Variants in OGT observed in about 807,000 individuals in gnomAD.
The protein encoded by OGT is UDP-N-acetylglucosamine--peptide N-acetylglucosaminyltransferase 110 kDa subunit.
In OGT, 3 loss-of-function variants were observed where a neutral mutation model predicts 75.8. The observed-to-expected ratio is 0.04, with a 90% CI of 0.02 to 0.10. The LOEUF (loss-of-function observed/expected upper bound fraction) is 0.10, where lower values mean the gene tolerates loss of function less well. OGT is among the 10% of genes least tolerant of loss of function. The pLI is 1.00. For missense variants in OGT, 260 were observed against 824.4 expected, an observed-to-expected ratio of 0.32 and a Z score of 8.38; for synonymous variants, 257 against 289.7, an observed-to-expected ratio of 0.89 and a Z score of 1.15.
intron 4 of OGT, chrX:71,545,815 T>C (rs2040255882): frequency 8.9e-6 from 1 of 112,489 alleles, no homozygotes; most frequent in Non-Finnish European, 1.9e-5. Flanking sequence ...AGAACAAATA[T>C]TTGATAAGCT....
Position 71,564,582 on chromosome X carries a change from CA to C in OGT, c.2437-18del. On this transcript the variant is annotated intron_variant, in intron 18 of 21. Coordinates refer to ENST00000373719, the MANE Select transcript of OGT (RefSeq NM_181672.3). ...TCCTTTTGCCTTTAAATATAACCAT[CA>C]TTTTTTTCTTGTTCTAGATCAACAA... 1 of 1,188,885 alleles carries C rather than the reference CA, an allele frequency of 8.4e-7. No homozygotes were observed. Among genetic ancestry groups the C allele is most frequent in the Non-Finnish European group, 1.1e-6 (1 of 880,182 alleles).
chrX:71,562,216 C>G (rs1350681283), intron 15 of OGT, among the ~76,000 whole-genome samples: 1 of 112,713 alleles, frequency 8.9e-6, no homozygotes, highest in African/African-American at 3.2e-5. Flanking sequence ...GTAATCCCAG[C>G]ACTTTGGGAT....
In OGT at chrX:71,573,733, A is replaced by T; in HGVS notation, c.3080A>T (p.Tyr1027Phe). The T allele has an allele frequency of 2.5e-6, 3 of 1,210,344 alleles. No homozygotes were observed. Among genetic ancestry groups the T allele is most frequent in the Non-Finnish European group, 3.4e-6 (3 of 894,509 alleles). Residue 1027 changes from tyrosine to phenylalanine, a missense_variant, in exon 22 of 22, where the codon TAT (tyrosine) becomes TTT (phenylalanine). Tyr to Phe is a conservative substitution (Grantham distance 22, BLOSUM62 3). Around this residue, in one of 6 missense-constraint regions of OGT, gnomAD observed 34 missense variants for 57.5 expected, o/e 0.59. Coordinates refer to ENST00000373719, the MANE Select transcript of OGT (RefSeq NM_181672.3). ...ERLYLQMWEH[Y>F]AAGNKPDHMI... ...CTCTATCTACAGATGTGGGAGCATT[A>T]TGCAGCTGGCAACAAACCTGACCAC...
At chrX:71,573,494 A>G in intron 21 of OGT, 126 bp from the exon 22 acceptor site, 1 of 510,042 alleles carries the variant, frequency 2.0e-6, no homozygotes, top group East Asian at 3.7e-5. Context: ...GAAGCCAATC[A>G]AGAAATGAGA....
intron 9 of OGT, 74 bp downstream of exon 9, chrX:71,556,854 A>G (rs1383271066): frequency 3.8e-6 from 4 of 1,047,525 alleles, no homozygotes; most frequent in Non-Finnish European, 5.2e-6. Context: ...CACATTGCAG[A>G]TGCTAAAATG....
intron 1 of OGT, among the ~76,000 whole-genome samples, chrX:71,533,668 GC>G (rs1236966788): frequency 1.8e-5 from 2 of 111,072 alleles, no homozygotes; most frequent in Non-Finnish European, 3.8e-5. Context: ...TGGAATCCCT[GC>G]CCTTTCACTC....
chrX:71,550,026 T>C (rs781126595), intron 5 of OGT, among the ~76,000 whole-genome samples: 3 of 112,184 alleles, frequency 2.7e-5, no homozygotes, highest in South Asian at 3.7e-4. Flanking sequence ...CTAAAACTTA[T>C]CAAGTATGTT....
intron 21 of OGT, among the ~76,000 whole-genome samples, chrX:71,572,672 C>T (rs1958180783): frequency 9.0e-6 from 1 of 111,203 alleles, no homozygotes; most frequent in African/African-American, 3.3e-5. Context: ...GAGGCTGGGG[C>T]AGGAGGATTG....
intron 5 of OGT, among the ~76,000 whole-genome samples, chrX:71,550,669 C>T (rs1404001206): frequency 8.9e-6 from 1 of 112,211 alleles, no homozygotes; most frequent in Admixed American, 9.5e-5. Flanking sequence ...AATGCTTTCT[C>T]CTAATCCGGG....
At chrX:71,565,515 C>T (rs941829463) in intron 19 of OGT, among the ~76,000 whole-genome samples, 33 of 111,785 alleles carry the variant, frequency 3.0e-4, no homozygotes, top group African/African-American at 9.7e-4. Context: ...ATGTGTGAGC[C>T]ACCGCACCTG....
chrX:71,566,930 C>A (rs1318725689), intron 19 of OGT, among the ~76,000 whole-genome samples: 2 of 112,562 alleles, frequency 1.8e-5, no homozygotes, highest in African/African-American at 6.4e-5. Flanking sequence ...CAGGAGTTGG[C>A]AAACTATGAC....
At chrX:71,562,266 C>A (rs2040389753) in intron 15 of OGT, among the ~76,000 whole-genome samples, 1 of 112,481 alleles carries the variant, frequency 8.9e-6, no homozygotes, top group Non-Finnish European at 1.9e-5. Flanking sequence ...GAGTTTGAGT[C>A]CTGCCTGGGC....
intron 2 of OGT, chrX:71,536,962 G>GTTTT (rs1195640430): frequency 2.8e-3 from 346 of 122,322 alleles, no homozygotes; most frequent in Middle Eastern, 3.8e-3. Flanking sequence ...AATGTGGTGG[G>GTTTT]TTTTTTTTTT....
At chrX:71,570,391 T>A (rs898054724) in intron 21 of OGT, among the ~76,000 whole-genome samples, 1 of 111,710 alleles carries the variant, frequency 9.0e-6, no homozygotes, top group African/African-American at 3.3e-5. Flanking sequence ...TGTTTTTTCT[T>A]TGTGTTTTTC....
rs1288584272 is a variant in OGT at position 71,564,478 on chromosome X, A to G, written c.2437-123A>G. 9.1e-6 allele frequency: 5 copies of G among 551,119 alleles called. No homozygotes were observed. The Admixed American group carries it at 1.3e-4, about 15-fold the overall frequency. 45.4% of individuals were successfully genotyped at this position (551,119 alleles called of 1,213,427 possible). A position where few individuals can be genotyped will look rare whatever the true frequency, so the allele number is the denominator to read the frequency against. The stretch of plus-strand genomic sequence containing the variant: ...CGGTTTGCCTTTTCTTAAACTTCAT[A>G]TATCATGAATATTTTCTCATGGTTC... On this transcript the variant is annotated intron_variant, in intron 18 of 21. Coordinates refer to ENST00000373719, the MANE Select transcript of OGT (RefSeq NM_181672.3).
At chrX:71,540,595 AT>A (rs2040210389) in intron 3 of OGT, among the ~76,000 whole-genome samples, 1 of 108,687 alleles carries the variant, frequency 9.2e-6, no homozygotes, top group Non-Finnish European at 1.9e-5. Flanking sequence ...CAGCTATCTC[AT>A]TTTTTTCATT....
In OGT at chrX:71,544,869, A is replaced by G. The variant is rs1405003875; in HGVS notation, c.531+234A>G. 4 of 382,733 alleles carry G rather than the reference A, an allele frequency of 1.0e-5. No individual in the cohort carries two copies. In the Admixed American group the frequency reaches 1.7e-4, roughly 16 times the overall value. The allele number at this position is 382,733 out of a possible 1,213,427, so 31.5% of individuals were successfully genotyped here. Reference sequence around the variant, plus strand: ...TGGAGCCTTTCTGCTGAGCTAGACCATCTTTATAACACTGGGCTCCGTCAT... The same window carrying G: ...TGGAGCCTTTCTGCTGAGCTAGACCGTCTTTATAACACTGGGCTCCGTCAT... On this transcript the variant is annotated intron_variant, in intron 4 of 21. Coordinates refer to ENST00000373719, the MANE Select transcript of OGT (RefSeq NM_181672.3).
chrX:71,552,386 G>T (rs1034598235), intron 5 of OGT, among the ~76,000 whole-genome samples: 1 of 98,144 alleles, frequency 1.0e-5, no homozygotes, highest in African/African-American at 3.9e-5. Context: ...GCACTGAATG[G>T]ATTTTTTTTT....
chrX:71,561,957 G>C, intron 15 of OGT, 57 bp downstream of exon 15: 14 of 1,066,142 alleles, frequency 1.3e-5, no homozygotes, highest in Non-Finnish European at 1.8e-5. Context: ...ATACAGTGAG[G>C]TGCTGCTTTT....
Sources: allele counts gnomAD v4.1 joint callset (sites outside exome capture counted in the v4.1 genomes callset), GRCh38; gene constraint gnomAD v4.1.1; regional missense constraint gnomAD v4.1.1; transcripts MANE v1.5; gene names NCBI Gene and HGNC (gene_info 2026-07-23, HGNC 2026-07-21).